ISCA1: variants seen among roughly 807,000 people sequenced by gnomAD.
ISCA1 encodes iron-sulfur cluster assembly 1.
Under a neutral mutation model 14.7 loss-of-function variants are expected in ISCA1, and 9 were observed. The observed-to-expected ratio is 0.61, with a 90% confidence interval of 0.37 to 1.07. The LOEUF (loss-of-function observed/expected upper bound fraction) is 1.07. ISCA1 is among the 50% of genes least tolerant of loss of function. The pLI, the probability that ISCA1 is intolerant of heterozygous loss-of-function variation, is 0.01. For missense variants in ISCA1, 102 were observed against 150.1 expected (o/e 0.68, Z 1.67); for synonymous variants, 38 against 54.3 (o/e 0.70, Z 1.32).
chr9:86,279,461 T>C (rs1451572564), intron 1 of ISCA1, among the ~76,000 whole-genome samples: 1 of 152,242 alleles, frequency 6.6e-6, no homozygotes, highest in Non-Finnish European at 1.5e-5. Context: ...AAGATGTAGA[T>C]AATCTGATAA....
At chr9:86,281,175 T>G (rs1193292775) in intron 1 of ISCA1, among the ~76,000 whole-genome samples, 2 of 152,164 alleles carry the variant, frequency 1.3e-5, no homozygotes, top group African/African-American at 4.8e-5. Context: ...CCACGGTGTA[T>G]GAAAATAAGC....
intron 3 of ISCA1, among the ~76,000 whole-genome samples, chr9:86,269,670 C>T (rs1299610259): frequency 6.6e-6 from 1 of 151,780 alleles, no homozygotes. Flanking sequence ...CTGGAGGCAT[C>T]ACGCTACTTG....
intron 3 of ISCA1, among the ~76,000 whole-genome samples, chr9:86,268,939 C>T (rs981998268): frequency 3.3e-5 from 5 of 151,850 alleles, no homozygotes; most frequent in African/African-American, 1.2e-4. Context: ...GGACTACAGG[C>T]GTGTGCCACC....
At chr9:86,280,594 C>CA (rs59525482) in intron 1 of ISCA1, among the ~76,000 whole-genome samples, 1,119 of 97,778 alleles carry the variant, frequency 0.011, 38 homozygotes, top group African/African-American at 0.035. Flanking sequence ...AACCCTGTCT[C>CA]AAAAAAAAAA....
intron 2 of ISCA1, among the ~76,000 whole-genome samples, chr9:86,272,709 T>C (rs902863873): frequency 1.3e-5 from 2 of 152,220 alleles, no homozygotes; most frequent in Admixed American, 1.3e-4. Context: ...CAGGACTAAC[T>C]GAGTATACAA....
rs544288999 is a variant in ISCA1 at position 86,265,251 on chromosome 9, G to T, written c.*792C>A. On this transcript the variant is annotated 3_prime_UTR_variant, in exon 4 of 4. Coordinates refer to ENST00000375991, the MANE Select transcript of ISCA1 (RefSeq NM_030940.4). ...CATGTGTCACCTACAAGGGGAGAGG[G>T]GGGTAGAGTCCCTACTCTCCCCCGG... The T allele has an allele frequency of 6.6e-6, 1 of 152,170 alleles. No individual in the cohort carries two copies. Among genetic ancestry groups the T allele is most frequent in the African/African-American group, 2.4e-5 (1 of 41,428 alleles). 9.4% of individuals were successfully genotyped at this position (152,170 alleles called of 1,614,324 possible).
chr9:86,278,237 T>C (rs1825464268), intron 1 of ISCA1, among the ~76,000 whole-genome samples: 1 of 152,076 alleles, frequency 6.6e-6, no homozygotes, highest in Admixed American at 6.5e-5. Flanking sequence ...CAGTGTATTT[T>C]ATTAAAATCA....
At chr9:86,275,253 G>A (rs886277145) in intron 1 of ISCA1, among the ~76,000 whole-genome samples, 13 of 152,190 alleles carry the variant, frequency 8.5e-5, no homozygotes, top group African/African-American at 2.9e-4. Context: ...CATTATGTGC[G>A]TCCTTCCTAC....
intron 3 of ISCA1, among the ~76,000 whole-genome samples, chr9:86,269,074 G>A (rs116864615): frequency 6.6e-6 from 1 of 152,088 alleles, no homozygotes. Flanking sequence ...GATTACACAG[G>A]TGAGCCACCA....
At chr9:86,267,271 C>A in intron 3 of ISCA1, 1 of 802,126 alleles carries the variant, frequency 1.2e-6, no homozygotes, top group Non-Finnish European at 1.5e-6. Context: ...TTCTTCCTTA[C>A]AAGAAATTGA....
chr9:86,282,285 C>A, intron 1 of ISCA1, 93 bp downstream of exon 1: 1 of 1,357,688 alleles, frequency 7.4e-7, no homozygotes, highest in Non-Finnish European at 9.9e-7. Flanking sequence ...TGTCCGCGTC[C>A]CTGCGGCCCC....
chr9:86,267,749 C>A, intron 3 of ISCA1: 1 of 214,818 alleles, frequency 4.7e-6, no homozygotes. Context: ...GGGAGGATCG[C>A]TTGAACCAGG....
chr9:86,272,408 T>C (rs1407114714), intron 2 of ISCA1, among the ~76,000 whole-genome samples: 1 of 152,230 alleles, frequency 6.6e-6, no homozygotes, highest in Non-Finnish European at 1.5e-5. Flanking sequence ...GAATGTTTCC[T>C]TATGGTTAGG....
chr9:86,265,919 C>T lies in ISCA1; in HGVS notation c.*124G>A. On this transcript the variant is annotated 3_prime_UTR_variant, in exon 4 of 4. Transcript: ENST00000375991. The stretch of plus-strand genomic sequence containing the variant: ...ATCATTTCTTCTGGAATCCAACACA[C>T]TGGATTCATTTTCAAGATGTATCAC... The T allele has an allele frequency of 1.4e-6, 2 of 1,423,006 alleles. No homozygotes were observed. The highest frequency in any genetic ancestry group is 1.7e-5 in the Admixed American group (1 of 59,690). 88.1% of individuals were successfully genotyped at this position (1,423,006 alleles called of 1,614,324 possible).
rs1400783674 is a variant in ISCA1, at chr9:86,265,111, A to C, written c.*932T>G. ...AAAGGTTTTAAAATTCTTCCCACTC[A>C]AAATAAAATAAAAATAATATAATCT... On this transcript the variant is annotated 3_prime_UTR_variant, in exon 4 of 4. Coordinates refer to ENST00000375991, the MANE Select transcript of ISCA1 (RefSeq NM_030940.4). 6.6e-6 allele frequency: 1 copy of C among 152,262 alleles called. No individual in the cohort carries two copies. Among genetic ancestry groups the C allele is most frequent in the Non-Finnish European group, 1.5e-5 (1 of 68,052 alleles). The allele number at this position is 152,262 out of a possible 1,614,324, so 9.4% of individuals were successfully genotyped here.
intron 1 of ISCA1, among the ~76,000 whole-genome samples, chr9:86,278,800 C>G (rs1201362613): frequency 6.6e-6 from 1 of 152,200 alleles, no homozygotes; most frequent in Non-Finnish European, 1.5e-5. Flanking sequence ...TGAGCACCTT[C>G]TAAGTGTTTA....
At chr9:86,279,075 G>C (rs542697635) in intron 1 of ISCA1, among the ~76,000 whole-genome samples, 2 of 152,238 alleles carry the variant, frequency 1.3e-5, no homozygotes, top group East Asian at 3.9e-4. Context: ...CTTAGTGCTT[G>C]GTCACTGTTC....
intron 3 of ISCA1, among the ~76,000 whole-genome samples, chr9:86,266,464 C>T (rs965757585): frequency 2.0e-5 from 3 of 152,096 alleles, no homozygotes; most frequent in African/African-American, 7.2e-5. Context: ...TTACCTTTCA[C>T]TATACTTCAC....
At chr9:86,266,607 A>G (rs1267978643) in intron 3 of ISCA1, among the ~76,000 whole-genome samples, 2 of 152,220 alleles carry the variant, frequency 1.3e-5, no homozygotes, top group African/African-American at 2.4e-5. Flanking sequence ...AAGGACTGTG[A>G]TACAATGGGG....
Sources: gnomAD v4.1 joint callset for allele counts (sites outside exome capture counted in the v4.1 genomes callset) on GRCh38, gnomAD v4.1.1 for gene constraint, MANE v1.5 for transcripts, NCBI Gene and HGNC (gene_info 2026-07-23, HGNC 2026-07-21) for gene names.